Variants in RBFOX3 observed in about 807,000 individuals in gnomAD.
RBFOX3 encodes RNA binding protein fox-1 homolog 3.
In RBFOX3, 17 loss-of-function variants were observed where a neutral mutation model predicts 48.7. The observed-to-expected ratio is 0.35, with a 90% confidence interval of 0.24 to 0.52. RBFOX3 has a LOEUF of 0.52. RBFOX3 is among the 20% of genes least tolerant of loss of function. The pLI, the probability that RBFOX3 is intolerant of heterozygous loss-of-function variation, is 0.94. For missense variants in RBFOX3, 382 were observed against 497.5 expected, an observed-to-expected ratio of 0.77 and a Z score of 2.21; for synonymous variants, 212 against 209.5, an observed-to-expected ratio of 1.01 and a Z score of -0.10.
chr17:79,112,198 G>A (rs2031938930), intron 5 of RBFOX3, among the ~76,000 whole-genome samples: 5 of 152,144 alleles, frequency 3.3e-5, no homozygotes, highest in African/African-American at 2.4e-5. Flanking sequence ...CGAGGGTATC[G>A]AGACCACAAA....
chr17:79,434,707 G>A (rs1555730156), intron 2 of RBFOX3, among the ~76,000 whole-genome samples: 1 of 152,174 alleles, frequency 6.6e-6, no homozygotes, highest in African/African-American at 2.4e-5. Context: ...AGACAATTGT[G>A]CATTGTACTT....
intron 1 of RBFOX3, among the ~76,000 whole-genome samples, chr17:79,554,519 C>T (rs2091460288): frequency 6.6e-6 from 1 of 152,140 alleles, no homozygotes; most frequent in African/African-American, 2.4e-5. Context: ...CCTGCTGGCC[C>T]TTTCTTCGTG....
At chr17:79,441,687 G>A (rs569327787) in intron 2 of RBFOX3, among the ~76,000 whole-genome samples, 14 of 152,174 alleles carry the variant, frequency 9.2e-5, no homozygotes, top group African/African-American at 3.4e-4. Context: ...CCTAGTGTGC[G>A]GTCATCAGTT....
chr17:79,251,811 C>G (rs1457510028), intron 3 of RBFOX3, among the ~76,000 whole-genome samples: 1 of 152,226 alleles, frequency 6.6e-6, no homozygotes, highest in East Asian at 1.9e-4. Flanking sequence ...GATGCCCACA[C>G]CTGGCACCAA....
rs75380939 is a variant in RBFOX3, at chr17:79,214,186, G to A, written c.-34+21580C>T. Reference sequence around the variant, plus strand: ...GCCCCTCACCAGAGCTTTGCCACCCGTGGGTATTAGGACCCTGATAAAGTC... The same window carrying A: ...GCCCCTCACCAGAGCTTTGCCACCCATGGGTATTAGGACCCTGATAAAGTC... On this transcript the variant is annotated intron_variant, in intron 4 of 14. Transcript: ENST00000693108. The surrounding 1 kb of genome is among the most constrained non-coding windows in gnomAD (Gnocchi z 4.7). 0.014 allele frequency among the ~76,000 whole-genome samples: 2,083 copies of A among 152,250 alleles called. 44 individuals are homozygous for A. Among genetic ancestry groups the A allele is most frequent in the South Asian group, 0.053 (257 of 4,826 alleles).
At chr17:79,107,677 C>T (rs115692515) in intron 5 of RBFOX3, among the ~76,000 whole-genome samples, 184 of 152,362 alleles carry the variant, frequency 1.2e-3, no homozygotes, top group African/African-American at 4.1e-3. Context: ...GGTGGATGCA[C>T]GGGTGACTGT....
rs920511625 is a variant in RBFOX3 at position 79,199,236 on chromosome 17, C to A, written c.-34+36530G>T. Among the ~76,000 whole-genome samples the A allele has an allele frequency of 6.6e-6, 1 of 152,156 alleles. No individual in the cohort carries two copies. Among genetic ancestry groups the A allele is most frequent in the African/African-American group, 2.4e-5 (1 of 41,444 alleles). ...GAATGTAAAGGGCCTTTCGAAAAGA[C>A]CTCCCTAGCCCCCCACCCTCGGCAG... On this transcript the variant is annotated intron_variant, in intron 4 of 14. Coordinates refer to ENST00000693108, the MANE Select transcript of RBFOX3 (RefSeq NM_001350451.2). The surrounding 1 kb of genome is among the most constrained non-coding windows in gnomAD (Gnocchi z 5.1).
chr17:79,192,835 C>T (rs1368198742), intron 4 of RBFOX3, among the ~76,000 whole-genome samples: 1 of 152,212 alleles, frequency 6.6e-6, no homozygotes, highest in Non-Finnish European at 1.5e-5. Context: ...ACCAAAACAT[C>T]CTCGCCTGTT....
At chr17:79,145,598 G>A (rs1021355473) in intron 4 of RBFOX3, among the ~76,000 whole-genome samples, 1 of 152,208 alleles carries the variant, frequency 6.6e-6, no homozygotes, top group African/African-American at 2.4e-5. Flanking sequence ...TTCCTTCTGG[G>A]GGCGCAGAGG....
At chr17:79,340,933 C>G (rs1178633591) in intron 2 of RBFOX3, among the ~76,000 whole-genome samples, 1 of 152,196 alleles carries the variant, frequency 6.6e-6, no homozygotes, top group African/African-American at 2.4e-5. Flanking sequence ...AATGGAGAAG[C>G]ATTGAGTTTC....
intron 2 of RBFOX3, among the ~76,000 whole-genome samples, chr17:79,349,806 C>T (rs777626441): frequency 3.6e-4 from 54 of 151,788 alleles, no homozygotes; most frequent in Non-Finnish European, 7.5e-4. Flanking sequence ...GCCTTGCCTC[C>T]TAGGGAAGCC....
chr17:79,148,073 C>A (rs940777349), intron 4 of RBFOX3, among the ~76,000 whole-genome samples: 1 of 152,106 alleles, frequency 6.6e-6, no homozygotes, highest in African/African-American at 2.4e-5. Flanking sequence ...GATTTCCTCA[C>A]CGTGGGACCC....
rs542439558 is a variant in RBFOX3 at position 79,214,590 on chromosome 17, G to A, written c.-34+21176C>T. Among the ~76,000 whole-genome samples, 4 of 152,124 alleles carry A rather than the reference G, an allele frequency of 2.6e-5. No individual in the cohort carries two copies. The East Asian group carries it at 7.8e-4, about 30-fold the overall frequency. ...GGGGGTCTCGGAGGAAGCAGGAAGG[G>A]TTGGCCTCTGTGGCTGTCCAGGGAG... is the stretch of plus-strand genomic sequence containing the variant. On this transcript the variant is annotated intron_variant, in intron 4 of 14. Transcript: ENST00000693108. The surrounding 1 kb of genome is among the most constrained non-coding windows in gnomAD (Gnocchi z 4.7).
At chr17:79,093,465 G>A (rs536611099) in intron 14 of RBFOX3, among the ~76,000 whole-genome samples, 226 of 152,044 alleles carry the variant, frequency 1.5e-3, no homozygotes, top group African/African-American at 5.2e-3. Flanking sequence ...ACCTCCATCC[G>A]GGTGGGGCCG....
chr17:79,200,825 C>T (rs1374601377), intron 4 of RBFOX3, among the ~76,000 whole-genome samples: 2 of 152,222 alleles, frequency 1.3e-5, no homozygotes, highest in East Asian at 3.9e-4. Flanking sequence ...GATGTAGTGA[C>T]AAGTCCCCTC....
intron 2 of RBFOX3, among the ~76,000 whole-genome samples, chr17:79,411,752 T>A (rs1402748289): frequency 6.6e-6 from 1 of 152,212 alleles, no homozygotes; most frequent in Admixed American, 6.5e-5. Flanking sequence ...AGAGCACCCG[T>A]GTTGGACAAG....
chr17:79,467,520 G>T (rs1214758458), intron 2 of RBFOX3, among the ~76,000 whole-genome samples: 1 of 152,180 alleles, frequency 6.6e-6, no homozygotes, highest in Non-Finnish European at 1.5e-5. Context: ...GCATGTCCCA[G>T]CTGTGCACCT....
rs193003470 is a variant in RBFOX3 at position 79,424,450 on chromosome 17, C to T, written c.-175+58004G>A. 1.1e-4 allele frequency among the ~76,000 whole-genome samples: 16 copies of T among 152,304 alleles called. No homozygotes were observed. The East Asian group carries it at 2.1e-3, about 20-fold the overall frequency. ...TGCCCTAAGGTCCCTCCGCTCCCCC[C>T]GCAACTGAGCTCTCGACTCTCAGCA... is the stretch of plus-strand genomic sequence containing the variant. On this transcript the variant is annotated intron_variant, in intron 2 of 14. Transcript: ENST00000693108.
At chr17:79,596,478 TC>T (rs2093573008) in intron 1 of RBFOX3, among the ~76,000 whole-genome samples, 2 of 151,874 alleles carry the variant, frequency 1.3e-5, no homozygotes, top group Admixed American at 6.6e-5. Context: ...CAGTGGAGCC[TC>T]TAGAGACAGA....
Sources: gnomAD v4.1 joint callset for allele counts (sites outside exome capture counted in the v4.1 genomes callset) on GRCh38, gnomAD v4.1.1 for gene constraint, Gnocchi (gnomAD v3.1) non-coding constraint, MANE v1.5 for transcripts, NCBI Gene and HGNC (gene_info 2026-07-23, HGNC 2026-07-21) for gene names.